The following IQCJ variants were observed in gnomAD, a reference collection of about 807,000 sequenced individuals.
IQCJ encodes the protein IQ motif containing J, also known as IQ domain-containing protein J.
IQCJ carries 9 observed loss-of-function variants against 11.0 expected under a neutral mutation model. The ratio of observed to expected loss-of-function variants is 0.82; its 90% CI spans 0.49 to 1.43. The LOEUF is 1.43. IQCJ is among the 40% of genes most tolerant of loss of function. The pLI is 0.00. For missense variants in IQCJ, 146 were observed against 133.2 expected (o/e 1.10, Z -0.47); for synonymous variants, 55 against 51.3 (o/e 1.07, Z -0.31).
intron 1 of IQCJ, among the ~76,000 whole-genome samples, chr3:159,192,679 G>A (rs1438788249): frequency 6.6e-6 from 1 of 152,206 alleles, no homozygotes; most frequent in Non-Finnish European, 1.5e-5. Flanking sequence ...ATTCCTTAGA[G>A]AAATTATATT....
chr3:159,091,688 A>G lies in IQCJ; in HGVS notation c.9+22247A>G, dbSNP rs866516458. On this transcript the variant is annotated intron_variant, in intron 1 of 3. Transcript: ENST00000397832. ...CACACACGCATGCACACACACACACACACACACACACACACACACACACAC... is the reference window on the plus strand; with the variant it reads ...CACACACGCATGCACACACACACACGCACACACACACACACACACACACAC... 7.6e-3 allele frequency among the ~76,000 whole-genome samples: 1,136 copies of G among 149,426 alleles called. 37 individuals are homozygous for G. The highest frequency in any genetic ancestry group is 0.023 in the African/African-American group (922 of 39,942).
chr3:159,200,922 G>A lies in IQCJ; in HGVS notation c.10-44921G>A, dbSNP rs757532739. Among the ~76,000 whole-genome samples, 17 of 152,178 alleles carry A rather than the reference G, an allele frequency of 1.1e-4. 1 individual carries two copies. The highest frequency in any genetic ancestry group is 6.3e-3 in the Middle Eastern group (2 of 316). Reference sequence around the variant, plus strand: ...GTGAGATAGAAGTGTGTAGTTGGGGGAGGTGATTAAAGAAGGAAATATAGG... The same window carrying A: ...GTGAGATAGAAGTGTGTAGTTGGGGAAGGTGATTAAAGAAGGAAATATAGG... On this transcript the variant is annotated intron_variant, in intron 1 of 3. Coordinates refer to ENST00000397832, the MANE Select transcript of IQCJ (RefSeq NM_001042706.3).
chr3:159,107,434 A>G (rs547513310), intron 1 of IQCJ, among the ~76,000 whole-genome samples: 63 of 152,268 alleles, frequency 4.1e-4, no homozygotes, highest in Admixed American at 2.6e-3. Flanking sequence ...TAATTTTTTT[A>G]TCAGCTATCC....
At chr3:159,224,925 C>G (rs936329486) in intron 1 of IQCJ, among the ~76,000 whole-genome samples, 1 of 152,000 alleles carries the variant, frequency 6.6e-6, no homozygotes, top group Non-Finnish European at 1.5e-5. Context: ...AGAGATTAAC[C>G]CATGTATTGC....
At chr3:159,089,507 C>A (rs1327269925) in intron 1 of IQCJ, among the ~76,000 whole-genome samples, 1 of 151,952 alleles carries the variant, frequency 6.6e-6, no homozygotes, top group Non-Finnish European at 1.5e-5. Context: ...TAATATCCTG[C>A]AGAGTGTTTT....
At chr3:159,178,161 A>G (rs997337384) in intron 1 of IQCJ, among the ~76,000 whole-genome samples, 2 of 152,206 alleles carry the variant, frequency 1.3e-5, no homozygotes, top group Non-Finnish European at 2.9e-5. Flanking sequence ...CTTTATTTCT[A>G]TGCTTTCTCA....
Position 159,263,386 on chromosome 3 carries a change from C to G in IQCJ, c.*655C>G. The G allele has an allele frequency of 1.1e-6, 1 of 951,346 alleles. No individual in the cohort carries two copies. The highest frequency in any genetic ancestry group is 5.4e-4 in the Middle Eastern group (1 of 1,864). 58.9% of individuals were successfully genotyped at this position (951,346 alleles called of 1,614,324 possible). A position where few individuals can be genotyped will look rare whatever the true frequency, so the allele number is the denominator to read the frequency against. On this transcript the variant is annotated 3_prime_UTR_variant, in exon 4 of 4. Transcript: ENST00000397832. ...CAGACCACAATTGACCTACAGGCCA[C>G]CAGTTTAAGAAATCTGAGATAGAGA...
intron 1 of IQCJ, among the ~76,000 whole-genome samples, chr3:159,078,533 T>A (rs1181561637): frequency 2.0e-5 from 3 of 149,942 alleles, no homozygotes; most frequent in Non-Finnish European, 3.0e-5. Context: ...GGCTGTGTCT[T>A]GGCCCACCCG....
chr3:159,080,555 C>T (rs559329680), intron 1 of IQCJ, among the ~76,000 whole-genome samples: 4 of 152,218 alleles, frequency 2.6e-5, no homozygotes, highest in Admixed American at 6.5e-5. Context: ...TCTAATAAAC[C>T]GCGTTAGTGT....
Position 159,241,210 on chromosome 3 carries a change from C to A in IQCJ, c.10-4633C>A, listed in dbSNP as rs1726900907. 2.0e-5 allele frequency among the ~76,000 whole-genome samples: 3 copies of A among 151,780 alleles called. No individual in the cohort carries two copies. In the South Asian group the frequency reaches 6.2e-4, roughly 32 times the overall value. On this transcript the variant is annotated intron_variant, in intron 1 of 3. Coordinates refer to ENST00000397832, the MANE Select transcript of IQCJ (RefSeq NM_001042706.3). ...GGATCATGAGGTCAGGAGTTCAAGACCAGCCTGGCCAACATGGTGAAACCC... is the reference window on the plus strand; with the variant it reads ...GGATCATGAGGTCAGGAGTTCAAGAACAGCCTGGCCAACATGGTGAAACCC...
At chr3:159,215,985 A>T (rs991457234) in intron 1 of IQCJ, among the ~76,000 whole-genome samples, 1 of 151,526 alleles carries the variant, frequency 6.6e-6, no homozygotes, top group Admixed American at 6.6e-5. Flanking sequence ...CACTAAGTGC[A>T]TATGGAATAA....
intron 1 of IQCJ, among the ~76,000 whole-genome samples, chr3:159,111,450 G>A (rs1214289389): frequency 3.3e-5 from 5 of 152,166 alleles, no homozygotes; most frequent in African/African-American, 9.6e-5. Context: ...CTGATCTGGG[G>A]CTATATTCTT....
chr3:159,261,339 A>G (rs972004440), intron 3 of IQCJ, among the ~76,000 whole-genome samples: 1 of 151,982 alleles, frequency 6.6e-6, no homozygotes, highest in Non-Finnish European at 1.5e-5. Flanking sequence ...GTGTTCAGTG[A>G]CCCCCCCTAT....
intron 1 of IQCJ, among the ~76,000 whole-genome samples, chr3:159,198,508 G>A (rs896883521): frequency 2.0e-5 from 3 of 152,146 alleles, no homozygotes; most frequent in African/African-American, 7.2e-5. Context: ...GATACCAGTA[G>A]TTAGACTGTT....
intron 1 of IQCJ, among the ~76,000 whole-genome samples, chr3:159,080,392 T>C (rs1716229799): frequency 6.6e-6 from 1 of 152,042 alleles, no homozygotes; most frequent in Admixed American, 6.6e-5. Flanking sequence ...TTCTCTATGG[T>C]TGGAAGTAAC....
intron 1 of IQCJ, among the ~76,000 whole-genome samples, chr3:159,132,630 G>GA (rs1720053490): frequency 6.6e-6 from 1 of 152,186 alleles, no homozygotes; most frequent in African/African-American, 2.4e-5. Flanking sequence ...GAGCCTTACT[G>GA]ATCACCAATC....
chr3:159,199,409 A>G (rs1300088905), intron 1 of IQCJ, among the ~76,000 whole-genome samples: 2 of 152,150 alleles, frequency 1.3e-5, no homozygotes, highest in Non-Finnish European at 2.9e-5. Flanking sequence ...AAAGAAACAG[A>G]TTCTCTCCTA....
chr3:159,220,909 A>G (rs1251221002), intron 1 of IQCJ, among the ~76,000 whole-genome samples: 1 of 152,104 alleles, frequency 6.6e-6, no homozygotes, highest in Non-Finnish European at 1.5e-5. Context: ...TTACAGACCC[A>G]CACTGCTCCC....
intron 1 of IQCJ, among the ~76,000 whole-genome samples, chr3:159,150,238 G>T (rs180711637): frequency 6.6e-6 from 1 of 152,266 alleles, no homozygotes; most frequent in East Asian, 1.9e-4. Flanking sequence ...GAGAGGGAAG[G>T]GATGGAAACC....
Sources: allele counts gnomAD v4.1 joint callset (sites outside exome capture counted in the v4.1 genomes callset), GRCh38; gene constraint gnomAD v4.1.1; transcripts MANE v1.5; gene names NCBI Gene and HGNC (gene_info 2026-07-23, HGNC 2026-07-21).